KHDRBS3: variants seen among roughly 807,000 people sequenced by gnomAD.
The protein encoded by KHDRBS3 is KH domain-containing, RNA-binding, signal transduction-associated protein 3.
KHDRBS3 carries 23 observed loss-of-function variants against 45.6 expected under a neutral mutation model. The ratio of observed to expected loss-of-function variants is 0.50; its 90% CI spans 0.36 to 0.72. KHDRBS3 has a LOEUF of 0.72. Among genes scored for constraint, KHDRBS3 ranks in the 30% least tolerant of loss-of-function variants. KHDRBS3 has a pLI of 0.00. For missense variants in KHDRBS3, 352 were observed against 424.8 expected (o/e 0.83, Z 1.51); for synonymous variants, 162 against 156.5 (o/e 1.04, Z -0.26).
intron 5 of KHDRBS3, among the ~76,000 whole-genome samples, chr8:135,565,550 G>T (rs1170638220): frequency 6.6e-6 from 1 of 152,178 alleles, no homozygotes; most frequent in East Asian, 1.9e-4. Flanking sequence ...TTGGTAAGCA[G>T]CTAAAATCTC....
chr8:135,460,059 CATTA>C (rs1586539844), intron 1 of KHDRBS3, among the ~76,000 whole-genome samples: 1 of 152,214 alleles, frequency 6.6e-6, no homozygotes, highest in African/African-American at 2.4e-5. Flanking sequence ...TCATTTAAAA[CATTA>C]ATTACACGCT....
At chr8:135,596,581 T>TA (rs560448136) in intron 6 of KHDRBS3, among the ~76,000 whole-genome samples, 2 of 151,412 alleles carry the variant, frequency 1.3e-5, no homozygotes, top group African/African-American at 2.4e-5. Context: ...TGATATTCAA[T>TA]AAAAAAAATT....
intron 4 of KHDRBS3, chr8:135,549,522 C>T (rs1376034396): frequency 6.6e-6 from 1 of 152,154 alleles, no homozygotes; most frequent in East Asian, 1.9e-4. Context: ...AAGGATGTGA[C>T]AATTTAAAGG....
At chr8:135,620,935 C>G (rs1303426947) in intron 7 of KHDRBS3, among the ~76,000 whole-genome samples, 1 of 152,160 alleles carries the variant, frequency 6.6e-6, no homozygotes, top group Non-Finnish European at 1.5e-5. Context: ...ATCACCAACA[C>G]CTAATGCAGT....
intron 1 of KHDRBS3, among the ~76,000 whole-genome samples, chr8:135,473,281 T>G (rs968838120): frequency 1.3e-5 from 2 of 152,152 alleles, no homozygotes; most frequent in Non-Finnish European, 2.9e-5. Flanking sequence ...CAAATTGACT[T>G]GGACTTGGTT....
intron 6 of KHDRBS3, among the ~76,000 whole-genome samples, chr8:135,585,561 C>CTGAA (rs113214430): frequency 4.5e-4 from 68 of 151,954 alleles, no homozygotes; most frequent in South Asian, 6.2e-4. Context: ...TAAATATTTA[C>CTGAA]TGAATGAATG....
chr8:135,485,842 TTA>T (rs34886021), intron 1 of KHDRBS3, among the ~76,000 whole-genome samples: 22,513 of 120,220 alleles, frequency 0.19, 2,582 homozygotes, highest in Middle Eastern at 0.27. Context: ...CATTTCAAGT[TTA>T]TATATATATA....
chr8:135,625,463 T>A lies in KHDRBS3; in HGVS notation c.890+18426T>A, dbSNP rs912820810. On this transcript the variant is annotated intron_variant, in intron 7 of 8. Transcript: ENST00000355849. ...TCTTTCACACCACACCAGGGCAGCC[T>A]TAGGAGCCACAGCAGTTCTCTGTGT... The A allele has an allele frequency of 5.1e-6, 4 of 777,882 alleles. No homozygotes were observed. The African/African-American group carries it at 6.8e-5, about 13-fold the overall frequency. The allele number at this position is 777,882 out of a possible 1,614,324, so 48.2% of individuals were successfully genotyped here. A position where few individuals can be genotyped will look rare whatever the true frequency, so the allele number is the denominator to read the frequency against.
chr8:135,606,506 G>T (rs1454232772), intron 6 of KHDRBS3, among the ~76,000 whole-genome samples: 2 of 152,128 alleles, frequency 1.3e-5, no homozygotes, highest in Admixed American at 6.5e-5. Context: ...ATGGCGTTTT[G>T]TCAGAACTCC....
chr8:135,460,776 G>C (rs180956869), intron 1 of KHDRBS3, among the ~76,000 whole-genome samples: 2 of 152,322 alleles, frequency 1.3e-5, no homozygotes, highest in South Asian at 2.1e-4. Flanking sequence ...CCAAGAGGCA[G>C]TTTTGAATTA....
At chr8:135,459,349 T>C (rs533519316) in intron 1 of KHDRBS3, among the ~76,000 whole-genome samples, 1 of 152,218 alleles carries the variant, frequency 6.6e-6, no homozygotes, top group Non-Finnish European at 1.5e-5. Context: ...TGGAGCTCCC[T>C]CATTTTATTT....
chr8:135,461,598 G>A (rs1821435958), intron 1 of KHDRBS3, among the ~76,000 whole-genome samples: 1 of 152,146 alleles, frequency 6.6e-6, no homozygotes, highest in African/African-American at 2.4e-5. Context: ...TTGCTAGTAG[G>A]GGATGTGCTG....
chr8:135,559,167 G>T (rs958636497), intron 5 of KHDRBS3, among the ~76,000 whole-genome samples: 1 of 151,550 alleles, frequency 6.6e-6, no homozygotes, highest in Non-Finnish European at 1.5e-5. Flanking sequence ...AGGTAACCTT[G>T]TCTAGAAATT....
At chr8:135,585,736 G>A (rs1306017239) in intron 6 of KHDRBS3, among the ~76,000 whole-genome samples, 1 of 152,090 alleles carries the variant, frequency 6.6e-6, no homozygotes, top group Admixed American at 6.5e-5. Flanking sequence ...GTTTTCAAAA[G>A]ATTATTAACT....
At chr8:135,625,559 A>G in intron 7 of KHDRBS3, 1 of 931,554 alleles carries the variant, frequency 1.1e-6, no homozygotes, top group Non-Finnish European at 1.8e-6. Context: ...AGCTGGAGCA[A>G]CGAGAGAGGG....
chr8:135,507,807 A>G (rs1288991062), intron 1 of KHDRBS3, among the ~76,000 whole-genome samples: 4 of 152,202 alleles, frequency 2.6e-5, no homozygotes, highest in Non-Finnish European at 4.4e-5. Flanking sequence ...GAGATATTTC[A>G]TTTCCACAGA....
chr8:135,630,518 G>C (rs913361448), intron 7 of KHDRBS3, among the ~76,000 whole-genome samples: 1 of 41,590 alleles, frequency 2.4e-5, no homozygotes, highest in Non-Finnish European at 5.1e-5. Flanking sequence ...CAGATGTGTT[G>C]CTTAACAATT....
downstream of KHDRBS3, among the ~76,000 whole-genome samples, chr8:135,651,955 A>G (rs1166295723): frequency 6.6e-6 from 1 of 152,224 alleles, no homozygotes; most frequent in East Asian, 1.9e-4. Context: ...GTCACTGTAT[A>G]CAGAGACAGG....
downstream of KHDRBS3, among the ~76,000 whole-genome samples, chr8:135,650,285 C>T (rs1461466262): frequency 6.6e-6 from 1 of 152,148 alleles, no homozygotes; most frequent in African/African-American, 2.4e-5. Context: ...GAAACCATAC[C>T]CGTCCTTCAG....
Sources: allele counts gnomAD v4.1 joint callset (sites outside exome capture counted in the v4.1 genomes callset), GRCh38; gene constraint gnomAD v4.1.1; transcripts MANE v1.5; gene names NCBI Gene and HGNC (gene_info 2026-07-23, HGNC 2026-07-21).